ATP11C: variants seen among roughly 807,000 people sequenced by gnomAD.
The protein encoded by ATP11C is phospholipid-transporting ATPase IG.
A neutral mutation model predicts 97.4 loss-of-function variants in ATP11C; 36 were observed. The observed-to-expected ratio is 0.37, with a 90% confidence interval of 0.28 to 0.49. ATP11C has a LOEUF of 0.49. ATP11C is among the 20% of genes least tolerant of loss of function. The probability of loss-of-function intolerance (pLI) is 0.98; values close to 1 mark genes in which losing one functional copy is unlikely to be tolerated. For synonymous variants in ATP11C, 275 were observed against 290.9 expected, an observed-to-expected ratio of 0.95 and a Z score of 0.56; for missense variants, 730 against 824.6, an observed-to-expected ratio of 0.89 and a Z score of 1.40.
intron 1 of ATP11C, among the ~76,000 whole-genome samples, chrX:139,863,448 A>C: frequency 9.0e-6 from 1 of 111,230 alleles, no homozygotes; most frequent in Non-Finnish European, 1.9e-5. Flanking sequence ...AAGGAGAATC[A>C]CTTGAACCCA....
At chrX:139,792,274 T>C (rs1391779399) in intron 12 of ATP11C, among the ~76,000 whole-genome samples, 2 of 111,395 alleles carry the variant, frequency 1.8e-5, no homozygotes, top group East Asian at 5.6e-4. Flanking sequence ...AGAAAGGTCA[T>C]GGAAGCTCCA....
At position 139,841,395 on chromosome X, in the gene ATP11C, C is replaced by CT. The variant is rs753076640; in HGVS notation, c.28-14573dup. ...CAAAATACTAGTTAATGAACTGTGTCTAAACCTTTCTAAGACCAAAGAATT... is the reference window on the plus strand; with the variant it reads ...CAAAATACTAGTTAATGAACTGTGTCTTAAACCTTTCTAAGACCAAAGAATT... On this transcript the variant is annotated intron_variant, in intron 1 of 29. Coordinates refer to ENST00000682941, the MANE Select transcript of ATP11C (RefSeq NM_001353812.2). 5.3e-5 allele frequency among the ~76,000 whole-genome samples: 6 copies of CT among 112,490 alleles called. No individual in the cohort carries two copies. In the East Asian group the frequency reaches 1.4e-3, roughly 26 times the overall value.
intron 1 of ATP11C, among the ~76,000 whole-genome samples, chrX:139,913,295 T>A (rs1414852245): frequency 8.9e-6 from 1 of 112,067 alleles, no homozygotes; most frequent in Non-Finnish European, 1.9e-5. Context: ...TTAGTGCTGT[T>A]AGCTAAAAGA....
intron 1 of ATP11C, among the ~76,000 whole-genome samples, chrX:139,930,817 C>T (rs186787184): frequency 8.9e-6 from 1 of 112,156 alleles, no homozygotes; most frequent in East Asian, 2.8e-4. Context: ...TTACTTTTAG[C>T]CAGTGTACAC....
chrX:139,875,201 A>T (rs182965092), intron 1 of ATP11C, among the ~76,000 whole-genome samples: 1 of 111,201 alleles, frequency 9.0e-6, no homozygotes, highest in African/African-American at 3.3e-5. Context: ...TCTTTTAGTT[A>T]CTGCCCTTCT....
chrX:139,767,542 G>C (rs1008381622), intron 20 of ATP11C, among the ~76,000 whole-genome samples: 1 of 111,711 alleles, frequency 9.0e-6, no homozygotes, highest in Non-Finnish European at 1.9e-5. Context: ...CAGAATTTTT[G>C]TGACGGTAGG....
In ATP11C at chrX:139,915,591, A is replaced by G. The variant is rs776215351; in HGVS notation, c.27+16425T>C. On this transcript the variant is annotated intron_variant, in intron 1 of 29. Coordinates refer to ENST00000682941, the MANE Select transcript of ATP11C (RefSeq NM_001353812.2). Reference sequence around the variant, plus strand: ...AGGCTGAGGCACGAAAATAATTTGAACCCAGGAGGCAGAGGTTACAGTGAG... The same window carrying G: ...AGGCTGAGGCACGAAAATAATTTGAGCCCAGGAGGCAGAGGTTACAGTGAG... Among the ~76,000 whole-genome samples, 45 of 109,623 alleles carry G rather than the reference A, an allele frequency of 4.1e-4. 1 individual carries two copies. Among genetic ancestry groups the G allele is most frequent in the Non-Finnish European group, 8.0e-4 (42 of 52,587 alleles).
intron 1 of ATP11C, among the ~76,000 whole-genome samples, chrX:139,845,001 G>A (rs1342266527): frequency 8.9e-6 from 1 of 112,293 alleles, no homozygotes; most frequent in Non-Finnish European, 1.9e-5. Flanking sequence ...AAGAATGACA[G>A]ATGATTAAGT....
chrX:139,808,536 C>T (rs2083096411), intron 5 of ATP11C, among the ~76,000 whole-genome samples: 1 of 111,367 alleles, frequency 9.0e-6, no homozygotes, highest in Non-Finnish European at 1.9e-5. Context: ...TCATTAGAAA[C>T]TATGCATATC....
intron 20 of ATP11C, among the ~76,000 whole-genome samples, chrX:139,764,407 A>C (rs2082095809): frequency 8.9e-6 from 1 of 112,772 alleles, no homozygotes; most frequent in South Asian, 3.6e-4. Flanking sequence ...TGGTATTAAA[A>C]TACTTCTGCC....
At chrX:139,893,761 A>G (rs2084766224) in intron 1 of ATP11C, among the ~76,000 whole-genome samples, 1 of 110,983 alleles carries the variant, frequency 9.0e-6, no homozygotes, top group African/African-American at 3.3e-5. Context: ...AAAAAATTGC[A>G]CAACAAACTA....
chrX:139,728,379 G>A lies in ATP11C; in HGVS notation c.*587C>T, dbSNP rs2081283596. 1.8e-5 allele frequency: 2 copies of A among 112,156 alleles called. No homozygotes were observed. The highest frequency in any genetic ancestry group is 6.5e-5 in the African/African-American group (2 of 30,815). The allele number at this position is 112,156 out of a possible 1,213,427, so 9.2% of individuals were successfully genotyped here. A position where few individuals can be genotyped will look rare whatever the true frequency, so the allele number is the denominator to read the frequency against. ...GCAAGAATATTCTACCAAGACATTA[G>A]TAGCACATGGGTAAACAGAAGGGAT... On this transcript the variant is annotated 3_prime_UTR_variant, in exon 30 of 30. Coordinates refer to ENST00000682941, the MANE Select transcript of ATP11C (RefSeq NM_001353812.2).
At chrX:139,891,069 G>A (rs938225487) in intron 1 of ATP11C, among the ~76,000 whole-genome samples, 13 of 110,387 alleles carry the variant, frequency 1.2e-4, no homozygotes, top group Admixed American at 9.8e-4. Flanking sequence ...AAGGCTTCAT[G>A]AGTTATGCCA....
chrX:139,904,074 C>T (rs2084938183), intron 1 of ATP11C, among the ~76,000 whole-genome samples: 1 of 111,697 alleles, frequency 9.0e-6, no homozygotes, highest in African/African-American at 3.3e-5. Flanking sequence ...AGAAAACCTA[C>T]GATCAAATGT....
intron 15 of ATP11C, among the ~76,000 whole-genome samples, chrX:139,786,183 G>A (rs962516140): frequency 8.9e-6 from 1 of 111,829 alleles, no homozygotes; most frequent in Non-Finnish European, 1.9e-5. Flanking sequence ...CTAATCAATG[G>A]AGAGACACAG....
At chrX:139,778,036 C>T (rs5953657) in intron 18 of ATP11C, among the ~76,000 whole-genome samples, 19,994 of 109,803 alleles carry the variant, frequency 0.18, 3,098 homozygotes, top group African/African-American at 0.5. Context: ...AAAAAAATTT[C>T]TGTAGAGATG....
chrX:139,837,347 T>G (rs2083764986), intron 1 of ATP11C, among the ~76,000 whole-genome samples: 1 of 111,868 alleles, frequency 8.9e-6, no homozygotes, highest in South Asian at 3.7e-4. Context: ...TTCAGCTAAA[T>G]CATGAAACAA....
chrX:139,737,706 G>A, intron 28 of ATP11C: 1 of 487,931 alleles, frequency 2.0e-6, no homozygotes, highest in East Asian at 3.8e-5. Context: ...AGGTCACATA[G>A]AACACTATTA....
rs180874361 is a variant in ATP11C, at chrX:139,913,313, A to C, written c.27+18703T>G. 5.8e-3 allele frequency among the ~76,000 whole-genome samples: 650 copies of C among 111,853 alleles called. 2 individuals carry two copies. Among genetic ancestry groups the C allele is most frequent in the Non-Finnish European group, 9.4e-3 (500 of 53,234 alleles). On this transcript the variant is annotated intron_variant, in intron 1 of 29. Coordinates refer to ENST00000682941, the MANE Select transcript of ATP11C (RefSeq NM_001353812.2). The stretch of plus-strand genomic sequence containing the variant: ...GTGCTGTTAGCTAAAAGATTAATAT[A>C]ATTAGATTTGAGTTTAATTAATTCT...
Sources: gnomAD v4.1 joint callset for allele counts (sites outside exome capture counted in the v4.1 genomes callset) on GRCh38, gnomAD v4.1.1 for gene constraint, MANE v1.5 for transcripts, NCBI Gene and HGNC (gene_info 2026-07-23, HGNC 2026-07-21) for gene names.